LRRC7: variants seen among roughly 807,000 people sequenced by gnomAD.
LRRC7 encodes leucine-rich repeat-containing protein 7.
A neutral mutation model predicts 175.7 loss-of-function variants in LRRC7; 23 were observed. The ratio of observed to expected loss-of-function variants is 0.13; its 90% CI spans 0.09 to 0.19. The LOEUF is 0.19. LRRC7 is among the 10% of genes least tolerant of loss of function. LRRC7 has a pLI of 1.00. For missense variants in LRRC7, 1,354 were observed against 1,904.7 expected (o/e 0.71, Z 5.38); for synonymous variants, 685 against 680.9 (o/e 1.01, Z -0.09).
At chr1:70,110,497 A>G (rs1010030274) in intron 26 of LRRC7, among the ~76,000 whole-genome samples, 12 of 152,206 alleles carry the variant, frequency 7.9e-5, no homozygotes, top group African/African-American at 2.7e-4. Flanking sequence ...ATGAGGGTTC[A>G]GTATTTCTAA....
intron 9 of LRRC7, 46 bp downstream of exon 9, chr1:69,980,499 G>A (rs12046022): frequency 0.058 from 79,627 of 1,383,320 alleles, 2,575 homozygotes; most frequent in South Asian, 0.1. Context: ...TTTGTTATAC[G>A]TTTGTTGTAT....
chr1:69,701,548 A>G (rs1056490272), intron 2 of LRRC7, among the ~76,000 whole-genome samples: 1 of 152,232 alleles, frequency 6.6e-6, no homozygotes, highest in African/African-American at 2.4e-5. Context: ...ATATTAAATG[A>G]AAATGAAAGT....
chr1:70,061,539 G>C (rs529562564), intron 23 of LRRC7, among the ~76,000 whole-genome samples: 1 of 152,142 alleles, frequency 6.6e-6, no homozygotes, highest in Admixed American at 6.6e-5. Context: ...CAAGAAATGA[G>C]TTCAGTGAAA....
intron 26 of LRRC7, among the ~76,000 whole-genome samples, chr1:70,114,328 G>C (rs1665712215): frequency 6.6e-6 from 1 of 152,116 alleles, no homozygotes; most frequent in South Asian, 2.1e-4. Context: ...TGAAGAGTAA[G>C]ATTTTAATAC....
chr1:69,911,620 CCAGAACTAGG>C (rs1290584446), intron 7 of LRRC7, among the ~76,000 whole-genome samples: 1 of 152,094 alleles, frequency 6.6e-6, no homozygotes, highest in African/African-American at 2.4e-5. Flanking sequence ...GTCCCAGTGG[CCAGAACTAGG>C]TCATAAGTTC....
intron 1 of LRRC7, among the ~76,000 whole-genome samples, chr1:69,593,167 A>G (rs1344797407): frequency 1.3e-5 from 2 of 152,124 alleles, no homozygotes; most frequent in African/African-American, 4.8e-5. Context: ...CATGGAAGAC[A>G]GGCTGAGTAA....
At chr1:69,834,425 A>C (rs941124536) in intron 5 of LRRC7, among the ~76,000 whole-genome samples, 1 of 152,126 alleles carries the variant, frequency 6.6e-6, no homozygotes, top group Non-Finnish European at 1.5e-5. Flanking sequence ...AAAAAGGAAC[A>C]TTAGTTTTAA....
intron 9 of LRRC7, among the ~76,000 whole-genome samples, chr1:69,985,666 C>T (rs12031770): frequency 0.062 from 9,412 of 152,206 alleles, 286 homozygotes; most frequent in South Asian, 0.11. Context: ...CCTAGAAACC[C>T]TACTCAACTT....
At chr1:69,896,157 T>C (rs1312897300) in intron 7 of LRRC7, among the ~76,000 whole-genome samples, 1 of 152,142 alleles carries the variant, frequency 6.6e-6, no homozygotes, top group African/African-American at 2.4e-5. Context: ...TTTTTTTTAA[T>C]TGTATTTTAT....
chr1:69,911,266 G>A (rs569963061), intron 7 of LRRC7, among the ~76,000 whole-genome samples: 79 of 152,328 alleles, frequency 5.2e-4, no homozygotes, highest in African/African-American at 1.9e-3. Context: ...AGATGGAAAT[G>A]CAGAAATCAC....
At chr1:70,056,066 T>G (rs942518431) in intron 23 of LRRC7, among the ~76,000 whole-genome samples, 2 of 152,048 alleles carry the variant, frequency 1.3e-5, no homozygotes, top group East Asian at 3.9e-4. Context: ...AGAGTTTAGG[T>G]TTTTACATGT....
chr1:69,749,307 A>G (rs539999234), intron 2 of LRRC7, among the ~76,000 whole-genome samples: 2 of 152,316 alleles, frequency 1.3e-5, no homozygotes, highest in East Asian at 1.9e-4. Context: ...GCTTGATCCT[A>G]TAATCCATAA....
At chr1:69,711,927 G>A (rs982958520) in intron 2 of LRRC7, among the ~76,000 whole-genome samples, 1 of 152,140 alleles carries the variant, frequency 6.6e-6, no homozygotes, top group African/African-American at 2.4e-5. Flanking sequence ...GGAAGTATAT[G>A]CTGGTGAGAA....
At chr1:69,919,345 T>A (rs1646811500) in intron 7 of LRRC7, 1 of 597,236 alleles carries the variant, frequency 1.7e-6, no homozygotes, top group Admixed American at 2.9e-5. Context: ...AACAAGAGCG[T>A]GAGGAGGAAA....
intron 4 of LRRC7, among the ~76,000 whole-genome samples, chr1:69,808,402 C>T (rs920669640): frequency 3.3e-5 from 5 of 151,908 alleles, no homozygotes; most frequent in African/African-American, 1.2e-4. Context: ...CTGCTCTGGA[C>T]CAAGCGCACC....
At chr1:69,592,449 T>C (rs1646676064) in intron 1 of LRRC7, among the ~76,000 whole-genome samples, 1 of 152,100 alleles carries the variant, frequency 6.6e-6, no homozygotes, top group South Asian at 2.1e-4. Flanking sequence ...TTAGAAACAC[T>C]TGAATATTTT....
rs1198619011 is a variant in LRRC7 at position 69,703,415 on chromosome 1, C to T, written c.100+24937C>T. The stretch of plus-strand genomic sequence containing the variant: ...GTATTTTAGATAAATTTTTAGATTT[C>T]CTAGAACTAATTTACTCTAAGACTT... On this transcript the variant is annotated intron_variant, in intron 2 of 26. Transcript: ENST00000651989. Among the ~76,000 whole-genome samples the T allele has an allele frequency of 2.6e-5, 4 of 151,374 alleles. No homozygotes were observed. The East Asian group carries it at 7.7e-4, about 29-fold the overall frequency.
chr1:69,880,953 G>A (rs1051933212), intron 7 of LRRC7, among the ~76,000 whole-genome samples: 2 of 152,162 alleles, frequency 1.3e-5, no homozygotes, highest in South Asian at 2.1e-4. Flanking sequence ...GTTTTTGATT[G>A]ACTTATAAAT....
intron 2 of LRRC7, among the ~76,000 whole-genome samples, chr1:69,718,101 A>AAGAC (rs1553146041): frequency 9.6e-6 from 1 of 103,690 alleles, no homozygotes; most frequent in East Asian, 3.1e-4. Context: ...AAAGAGAAGA[A>AAGAC]AGAGAGAAAA....
Sources: gnomAD v4.1 joint callset for allele counts (sites outside exome capture counted in the v4.1 genomes callset) on GRCh38, gnomAD v4.1.1 for gene constraint, MANE v1.5 for transcripts, NCBI Gene and HGNC (gene_info 2026-07-23, HGNC 2026-07-21) for gene names.